The following MEOX2 variants were observed in gnomAD, a reference collection of about 807,000 sequenced individuals.
MEOX2 encodes mesenchyme homeobox 2.
Under a neutral mutation model 27.0 loss-of-function variants are expected in MEOX2, and 11 were observed. The observed-to-expected ratio is 0.41, with a 90% CI of 0.26 to 0.68. The LOEUF (loss-of-function observed/expected upper bound fraction) is 0.68. Ranked by LOEUF, MEOX2 falls within the 30% of genes least tolerant of loss-of-function variation. MEOX2 has a pLI of 0.33. For missense variants in MEOX2, 436 were observed against 385.4 expected, an observed-to-expected ratio of 1.13 and a Z score of -1.10; for synonymous variants, 189 against 155.4, an observed-to-expected ratio of 1.22 and a Z score of -1.61.
intron 1 of MEOX2, among the ~76,000 whole-genome samples, chr7:15,668,868 C>G (rs1030937895): frequency 6.6e-6 from 1 of 152,102 alleles, no homozygotes; most frequent in African/African-American, 2.4e-5. Flanking sequence ...ATTCAAGGGT[C>G]AACTCTACTG....
intron 2 of MEOX2, among the ~76,000 whole-genome samples, chr7:15,615,312 TA>T (rs1296541480): frequency 1.3e-5 from 2 of 152,082 alleles, no homozygotes; most frequent in African/African-American, 4.8e-5. Flanking sequence ...TGCCAGGATT[TA>T]AACGTGAGGG....
At chr7:15,685,837 C>G (rs1310946001) in intron 1 of MEOX2, 49 bp downstream of exon 1, 4 of 1,539,918 alleles carry the variant, frequency 2.6e-6, no homozygotes, top group Non-Finnish European at 3.5e-6. Context: ...TCTCTCCGCC[C>G]CTTTTCCAGC....
intron 1 of MEOX2, among the ~76,000 whole-genome samples, chr7:15,663,493 C>T (rs1205931192): frequency 8.6e-6 from 1 of 116,946 alleles, no homozygotes; most frequent in African/African-American, 3.2e-5. Context: ...CCACCACACC[C>T]GGCTAATTTT....
intron 1 of MEOX2, among the ~76,000 whole-genome samples, chr7:15,630,692 T>C (rs981308346): frequency 5.9e-5 from 9 of 152,036 alleles, no homozygotes; most frequent in Admixed American, 4.6e-4. Flanking sequence ...CATTATTTAT[T>C]AACAAAACTG....
intron 1 of MEOX2, among the ~76,000 whole-genome samples, chr7:15,683,305 A>G (rs144732165): frequency 6.6e-6 from 1 of 152,022 alleles, no homozygotes; most frequent in African/African-American, 2.4e-5. Context: ...TATGTACTGA[A>G]TTTTCTCTCA....
chr7:15,614,804 A>T (rs572465737), intron 2 of MEOX2, among the ~76,000 whole-genome samples: 1 of 152,238 alleles, frequency 6.6e-6, no homozygotes, highest in East Asian at 1.9e-4. Context: ...AATAATTTCA[A>T]TTTCTGTAAA....
intron 1 of MEOX2, among the ~76,000 whole-genome samples, chr7:15,665,174 C>G (rs142581321): frequency 3.4e-4 from 51 of 151,988 alleles, no homozygotes; most frequent in Non-Finnish European, 6.5e-4. Context: ...AAACCAGAGC[C>G]ATGTGATTCA....
chr7:15,640,430 G>A (rs1261546216), intron 1 of MEOX2, among the ~76,000 whole-genome samples: 1 of 152,038 alleles, frequency 6.6e-6, no homozygotes, highest in East Asian at 1.9e-4. Context: ...TTTTTTGAAG[G>A]AATGTTTAGA....
intron 1 of MEOX2, among the ~76,000 whole-genome samples, chr7:15,658,976 G>A (rs896806026): frequency 1.6e-4 from 25 of 152,006 alleles, no homozygotes; most frequent in Non-Finnish European, 1.9e-4. Context: ...CCTTATGTTC[G>A]TTTTACATAT....
chr7:15,630,839 G>C (rs1781389952), intron 1 of MEOX2, among the ~76,000 whole-genome samples: 1 of 151,832 alleles, frequency 6.6e-6, no homozygotes, highest in African/African-American at 2.4e-5. Context: ...CTTCTTTATG[G>C]GCACTTATCC....
rs1562620325 is a variant in MEOX2 at position 15,686,439 on chromosome 7, C to T, written c.-37G>A. The stretch of plus-strand genomic sequence containing the variant: ...TTCGGGTTCCAGGCAGAAGACTTCA[C>T]GGCGGTTCCAAAGGCCACCACCCTC... On this transcript the variant is annotated 5_prime_UTR_variant, in exon 1 of 3. It adds an upstream start codon to the 5' untranslated region. Transcript: ENST00000262041. The T allele has an allele frequency of 1.3e-6, 2 of 1,533,624 alleles. No individual in the cohort carries two copies. The highest frequency in any genetic ancestry group is 1.8e-6 in the Non-Finnish European group (2 of 1,137,206).
chr7:15,646,235 G>A (rs568747141), intron 1 of MEOX2, among the ~76,000 whole-genome samples: 11 of 152,036 alleles, frequency 7.2e-5, no homozygotes, highest in South Asian at 4.1e-4. Context: ...GATAATATAC[G>A]TGAAAGTATT....
At chr7:15,620,762 G>A (rs1227197895) in intron 2 of MEOX2, among the ~76,000 whole-genome samples, 3 of 152,164 alleles carry the variant, frequency 2.0e-5, no homozygotes, top group Admixed American at 6.5e-5. Context: ...AATGGAGTAT[G>A]ATCTCGTTAG....
intron 1 of MEOX2, among the ~76,000 whole-genome samples, chr7:15,650,456 G>A (rs1428939884): frequency 6.6e-6 from 1 of 151,982 alleles, no homozygotes; most frequent in African/African-American, 2.4e-5. Flanking sequence ...TGCTTTTACT[G>A]TTCCTTTGAA....
At chr7:15,683,287 C>T (rs1782321465) in intron 1 of MEOX2, among the ~76,000 whole-genome samples, 1 of 151,846 alleles carries the variant, frequency 6.6e-6, no homozygotes, top group African/African-American at 2.4e-5. Context: ...CTGACTTTAC[C>T]CTGGATTTAT....
At chr7:15,626,668 G>A (rs1331518667) in intron 2 of MEOX2, 78 bp downstream of exon 2, 3 of 1,022,896 alleles carry the variant, frequency 2.9e-6, no homozygotes, top group African/African-American at 3.2e-5. Context: ...CTGGATCTAG[G>A]TATTTCAAAT....
chr7:15,651,600 C>T (rs534413175), intron 1 of MEOX2, among the ~76,000 whole-genome samples: 1 of 151,982 alleles, frequency 6.6e-6, no homozygotes, highest in East Asian at 1.9e-4. Flanking sequence ...AACTGAGGCA[C>T]AAGAAGTCCA....
At chr7:15,636,868 A>G (rs1324980946) in intron 1 of MEOX2, among the ~76,000 whole-genome samples, 3 of 152,150 alleles carry the variant, frequency 2.0e-5, no homozygotes, top group Non-Finnish European at 2.9e-5. Flanking sequence ...AGGGCAAAAG[A>G]GCGTGATCCC....
chr7:15,667,311 A>AAAAAAAAAAAAAAC, intron 1 of MEOX2, among the ~76,000 whole-genome samples: 1 of 148,742 alleles, frequency 6.7e-6, no homozygotes, highest in Non-Finnish European at 1.5e-5. Flanking sequence ...AAAAAAAAAA[A>AAAAAAAAAAAAAAC]AGTAGGAAAT....
Sources: allele counts gnomAD v4.1 joint callset (sites outside exome capture counted in the v4.1 genomes callset), GRCh38; gene constraint gnomAD v4.1.1; transcripts MANE v1.5; gene names NCBI Gene and HGNC (gene_info 2026-07-23, HGNC 2026-07-21).